The following RNF4 variants were observed in gnomAD, a reference collection of about 807,000 sequenced individuals.
The protein encoded by RNF4 is ring finger protein 4, also known as E3 ubiquitin-protein ligase RNF4.
Under a neutral mutation model 24.3 loss-of-function variants are expected in RNF4, and 7 were observed. The ratio of observed to expected loss-of-function variants is 0.29; its 90% confidence interval spans 0.16 to 0.54. The LOEUF is 0.54. RNF4 is among the 20% of genes least tolerant of loss of function. The pLI, the probability that RNF4 is intolerant of heterozygous loss-of-function variation, is 0.95. For synonymous variants in RNF4, 83 were observed against 84.3 expected (o/e 0.98, Z 0.09); for missense variants, 209 against 248.5 (o/e 0.84, Z 1.07).
Position 2,511,892 on chromosome 4 carries a change from C to A in RNF4, c.205-64C>A, listed in dbSNP as rs1326774706. 3.9e-6 allele frequency: 6 copies of A among 1,522,500 alleles called. No homozygotes were observed. The Admixed American group carries it at 1.2e-4, about 29-fold the overall frequency. 94.3% of individuals were successfully genotyped at this position (1,522,500 alleles called of 1,614,324 possible). On this transcript the variant is annotated intron_variant, in intron 4 of 7. Coordinates refer to ENST00000314289, the MANE Select transcript of RNF4 (RefSeq NM_002938.5). The stretch of plus-strand genomic sequence containing the variant: ...ACACGTCAGAAAAAAGAAATGGCTT[C>A]GTTTATCACTTATATCAAACTGATT...
intron 1 of RNF4, among the ~76,000 whole-genome samples, chr4:2,485,823 G>A (rs1266834135): frequency 2.0e-5 from 3 of 152,130 alleles, no homozygotes; most frequent in Non-Finnish European, 4.4e-5. Flanking sequence ...TCCTCGTAGC[G>A]CTTACCTAAG....
intron 1 of RNF4, among the ~76,000 whole-genome samples, chr4:2,472,079 G>T (rs1342946848): frequency 6.6e-6 from 1 of 152,166 alleles, no homozygotes; most frequent in Admixed American, 6.5e-5. Context: ...AAAGGTCAAT[G>T]CCTGGCTTCA....
intron 1 of RNF4, among the ~76,000 whole-genome samples, chr4:2,479,553 C>T (rs571448944): frequency 3.9e-5 from 6 of 152,202 alleles, no homozygotes; most frequent in African/African-American, 9.6e-5. Context: ...GGGGAGTTTC[C>T]GTGCACAAGC....
intron 1 of RNF4, among the ~76,000 whole-genome samples, chr4:2,473,908 C>G (rs773194338): frequency 3.3e-5 from 5 of 152,094 alleles, no homozygotes; most frequent in Non-Finnish European, 5.9e-5. Context: ...CTTGTCTCTA[C>G]TAAAAATACA....
chr4:2,496,717 C>T (rs181705380), intron 2 of RNF4, among the ~76,000 whole-genome samples: 3 of 152,164 alleles, frequency 2.0e-5, no homozygotes, highest in South Asian at 2.1e-4. Flanking sequence ...CCTCAGCCTC[C>T]GAAAGTGCTG....
chr4:2,513,019 G>A (rs1055144791), intron 6 of RNF4, 64 bp from the exon 7 acceptor site: 13 of 1,499,060 alleles, frequency 8.7e-6, no homozygotes, highest in African/African-American at 5.5e-5. Flanking sequence ...GGCCACTCAC[G>A]TGACAGGGTA....
intron 4 of RNF4, among the ~76,000 whole-genome samples, chr4:2,504,855 A>G (rs1264679614): frequency 2.0e-5 from 3 of 146,576 alleles, no homozygotes; most frequent in South Asian, 2.1e-4. Context: ...GCCTCAGCCT[A>G]TTGAGTAGCT....
chr4:2,475,280 C>G (rs1297858769), intron 1 of RNF4, among the ~76,000 whole-genome samples: 1 of 152,240 alleles, frequency 6.6e-6, no homozygotes. Context: ...ATCCTCTCAC[C>G]TCAGCCTCCC....
Position 2,512,646 on chromosome 4 carries a change from C to A in RNF4, c.374+49C>A. On this transcript the variant is annotated intron_variant, in intron 6 of 7. Coordinates refer to ENST00000314289, the MANE Select transcript of RNF4 (RefSeq NM_002938.5). This position sits in a 1 kb window ranked among gnomAD's most constrained non-coding sequence, Gnocchi z 4.1. ...CTGCCGCCATGCTAGGATGTGGGGCCAGGGCATGGGAATACTTTTCAGCAA... is the reference window on the plus strand; with the variant it reads ...CTGCCGCCATGCTAGGATGTGGGGCAAGGGCATGGGAATACTTTTCAGCAA... The A allele has an allele frequency of 6.2e-7, 1 of 1,600,880 alleles. No homozygotes were observed. Among genetic ancestry groups the A allele is most frequent in the East Asian group, 2.2e-5 (1 of 44,800 alleles).
At chr4:2,488,300 C>T (rs1735474572) in intron 1 of RNF4, among the ~76,000 whole-genome samples, 1 of 152,154 alleles carries the variant, frequency 6.6e-6, no homozygotes, top group Non-Finnish European at 1.5e-5. Flanking sequence ...CCCATCTCTA[C>T]TAAAAGTAGA....
chr4:2,492,730 T>G (rs1394510993), intron 2 of RNF4, among the ~76,000 whole-genome samples: 1 of 152,094 alleles, frequency 6.6e-6, no homozygotes, highest in South Asian at 2.1e-4. Context: ...GCCATTGTGC[T>G]CCAGGGCCCA....
chr4:2,499,845 G>C (rs1735854471), intron 3 of RNF4, among the ~76,000 whole-genome samples: 1 of 151,980 alleles, frequency 6.6e-6, no homozygotes, highest in South Asian at 2.1e-4. Flanking sequence ...ACAAACTTGA[G>C]AGATAAATGG....
intron 4 of RNF4, chr4:2,506,161 T>C (rs916061561): frequency 2.0e-5 from 3 of 148,956 alleles, no homozygotes; most frequent in Admixed American, 7.1e-5. Flanking sequence ...AAAATTGAAC[T>C]AGAACAAAGC....
At chr4:2,471,711 A>G (rs993528082) in intron 1 of RNF4, among the ~76,000 whole-genome samples, 1 of 152,216 alleles carries the variant, frequency 6.6e-6, no homozygotes, top group Non-Finnish European at 1.5e-5. Context: ...GCTGATAGGG[A>G]GAAAGTTTTA....
At chr4:2,502,203 T>C (rs1160731401) in intron 4 of RNF4, among the ~76,000 whole-genome samples, 2 of 151,334 alleles carry the variant, frequency 1.3e-5, no homozygotes, top group African/African-American at 4.9e-5. Context: ...GCAGAAGTTT[T>C]TTTGTTTTTT....
At chr4:2,493,335 G>GCTT (rs1735637016) in intron 2 of RNF4, among the ~76,000 whole-genome samples, 1 of 152,004 alleles carries the variant, frequency 6.6e-6, no homozygotes, top group African/African-American at 2.4e-5. Context: ...GATTCCTGAG[G>GCTT]TTAGGGAGGG....
At chr4:2,505,596 A>AC (rs1373253811) in intron 4 of RNF4, 1 of 150,962 alleles carries the variant, frequency 6.6e-6, no homozygotes, top group Non-Finnish European at 1.5e-5. Context: ...AAGTGCTGGG[A>AC]TTATAGGTGT....
chr4:2,497,078 C>T lies in RNF4; in HGVS notation c.81C>T (p.Pro27=), dbSNP rs756304008. 2.6e-5 allele frequency: 42 copies of T among 1,609,682 alleles called. No homozygotes were observed. Among genetic ancestry groups the T allele is most frequent in the South Asian group, 2.6e-4 (23 of 89,914 alleles). Residue 27 remains proline, a synonymous_variant, in exon 3 of 8, where the codon CCC becomes CCT. Transcript: ENST00000314289. ...QKRTREATST[P]EISLEAEPIE... ...GAACTCGGGAAGCAACCTCCACCCC[C>T]GAGATCTCCTTGGAAGCAGAACCCA...
intron 1 of RNF4, among the ~76,000 whole-genome samples, chr4:2,488,925 C>T (rs1433523269): frequency 6.6e-6 from 1 of 152,092 alleles, no homozygotes; most frequent in African/African-American, 2.4e-5. Flanking sequence ...ATTCTCCTGC[C>T]TCAGCCTCCC....
Sources: gnomAD v4.1 joint callset for allele counts (sites outside exome capture counted in the v4.1 genomes callset) on GRCh38, gnomAD v4.1.1 for gene constraint, Gnocchi (gnomAD v3.1) non-coding constraint, MANE v1.5 for transcripts, NCBI Gene and HGNC (gene_info 2026-07-23, HGNC 2026-07-21) for gene names.